ROR1: variants seen among roughly 807,000 people sequenced by gnomAD.
ROR1 encodes the protein inactive tyrosine-protein kinase transmembrane receptor ROR1.
ROR1 carries 19 observed loss-of-function variants against 78.8 expected under a neutral mutation model. That is an observed-to-expected ratio of 0.24 (90% CI 0.17 to 0.35). The LOEUF is 0.35. Among genes scored for constraint, ROR1 ranks in the 10% least tolerant of loss-of-function variants. ROR1 has a pLI of 1.00. For missense variants in ROR1, 917 were observed against 1,177.8 expected (o/e 0.78, Z 3.24); for synonymous variants, 386 against 433.6 (o/e 0.89, Z 1.36).
rs1360860093 is a variant in ROR1, at chr1:64,177,671, C to T, written c.1630C>T (p.Gln544Ter). 6.2e-7 allele frequency: 1 copy of T among 1,614,200 alleles called. No homozygotes were observed. The highest frequency in any genetic ancestry group is 1.1e-5 in the South Asian group (1 of 91,080). The change falls in exon 9 of 9, where the codon CAG becomes TAG. Residue 544 changes from glutamine (Q) to a stop codon, truncating the protein, a stop_gained. Transcript: ENST00000371079. LOFTEE classifies it high-confidence loss of function. The part of the protein sequence containing the change: ...NIVCLLGAVT[Q>*]EQPVCMLFEY... ...TGTCTGCCTTCTAGGTGCCGTCACT[C>T]AGGAACAACCTGTGTGCATGCTTTT...
chr1:63,801,549 C>A (rs1280832714), intron 1 of ROR1, among the ~76,000 whole-genome samples: 2 of 152,176 alleles, frequency 1.3e-5, no homozygotes, highest in Admixed American at 6.5e-5. Flanking sequence ...CCCGCCTCAG[C>A]CTCCCAAAGT....
intron 1 of ROR1, among the ~76,000 whole-genome samples, chr1:63,791,097 A>G (rs558056156): frequency 6.6e-5 from 10 of 152,260 alleles, no homozygotes; most frequent in African/African-American, 2.4e-4. Context: ...TGCACCTGCT[A>G]TGAGTCAGGA....
chr1:64,160,040 T>C (rs1318965990), intron 8 of ROR1, among the ~76,000 whole-genome samples: 1 of 152,184 alleles, frequency 6.6e-6, no homozygotes, highest in East Asian at 1.9e-4. Flanking sequence ...AATTTAAGAC[T>C]CTTGCATCTA....
chr1:63,782,828 A>G (rs977947018), intron 1 of ROR1, among the ~76,000 whole-genome samples: 2 of 152,130 alleles, frequency 1.3e-5, no homozygotes, highest in Admixed American at 1.3e-4. Flanking sequence ...TGGGGAGTTT[A>G]CCTTTTAGGG....
At chr1:63,785,698 G>A (rs1166974995) in intron 1 of ROR1, among the ~76,000 whole-genome samples, 1 of 151,296 alleles carries the variant, frequency 6.6e-6, no homozygotes, top group Non-Finnish European at 1.5e-5. Flanking sequence ...GCTAATTTTT[G>A]TATTTTTAGT....
chr1:63,961,311 A>T (rs1294798026), intron 1 of ROR1, among the ~76,000 whole-genome samples: 1 of 152,182 alleles, frequency 6.6e-6, no homozygotes, highest in African/African-American at 2.4e-5. Flanking sequence ...GAACTTCCAT[A>T]TGATCCAATA....
rs1294147440 is a variant in ROR1, at chr1:64,177,515, C to T, written c.1474C>T (p.Leu492Phe). 6.2e-7 allele frequency: 1 copy of T among 1,614,048 alleles called. No homozygotes were observed. Among genetic ancestry groups the T allele is most frequent in the Non-Finnish European group, 8.5e-7 (1 of 1,180,038 alleles). The change falls in exon 9 of 9, where the codon CTC becomes TTC. Residue 492 changes from leucine to phenylalanine, a missense_variant. Physicochemically the swap from Leu to Phe is conservative, Grantham distance 22 (BLOSUM62 0). Around this residue, in one of 3 missense-constraint regions of ROR1, gnomAD observed 835 missense variants for 1,069.8 expected, o/e 0.78. Coordinates refer to ENST00000371079, the MANE Select transcript of ROR1 (RefSeq NM_005012.4). ...CTTTGGAAAAATCTATAAAGGCCAT[C>T]TCTATCTCCCAGGCATGGACCATGC... ...CAFGKIYKGH[L>F]YLPGMDHAQL...
Position 63,779,623 on chromosome 1 carries a change from G to A in ROR1, c.91+5115G>A, listed in dbSNP as rs189524436. Among the ~76,000 whole-genome samples, 456 of 152,262 alleles carry A rather than the reference G, an allele frequency of 3.0e-3. 7 individuals are homozygous for A. The highest frequency in any genetic ancestry group is 0.022 in the Admixed American group (333 of 15,294). ...TGCCAGGAATATCTAAAAAGCTAAC[G>A]AATACAAAATAAAAATAAACAGCAG... On this transcript the variant is annotated intron_variant, in intron 1 of 8. Transcript: ENST00000371079.
chr1:64,104,361 G>T (rs539692873), intron 4 of ROR1, among the ~76,000 whole-genome samples: 1 of 152,214 alleles, frequency 6.6e-6, no homozygotes, highest in Middle Eastern at 3.4e-3. Context: ...AAAGCCATGT[G>T]TGACAGGACT....
chr1:64,034,433 A>G, intron 2 of ROR1, among the ~76,000 whole-genome samples: 1 of 152,170 alleles, frequency 6.6e-6, no homozygotes, highest in Admixed American at 6.5e-5. Context: ...TAGCTTCCAA[A>G]ATGGAATGAT....
intron 7 of ROR1, among the ~76,000 whole-genome samples, chr1:64,146,890 A>G (rs1046663803): frequency 1.4e-4 from 22 of 152,124 alleles, no homozygotes; most frequent in African/African-American, 4.8e-4. Context: ...ATTCACAACC[A>G]TGCTGTGGGG....
intron 1 of ROR1, among the ~76,000 whole-genome samples, chr1:64,002,413 T>C (rs901073336): frequency 6.6e-6 from 1 of 152,184 alleles, no homozygotes; most frequent in African/African-American, 2.4e-5. Flanking sequence ...CGTGAGCCAT[T>C]GCGCCCGGCC....
At chr1:63,849,229 T>C (rs1171687418) in intron 1 of ROR1, among the ~76,000 whole-genome samples, 2 of 152,250 alleles carry the variant, frequency 1.3e-5, no homozygotes, top group Non-Finnish European at 2.9e-5. Context: ...TTAATGGTAA[T>C]TGTTGTTTTC....
chr1:63,790,583 T>A (rs958829263), intron 1 of ROR1, among the ~76,000 whole-genome samples: 1 of 152,188 alleles, frequency 6.6e-6, no homozygotes, highest in Non-Finnish European at 1.5e-5. Flanking sequence ...GATTCTCCCT[T>A]ACAATCCTCC....
At chr1:63,827,118 G>A (rs762766432) in intron 1 of ROR1, among the ~76,000 whole-genome samples, 16 of 152,044 alleles carry the variant, frequency 1.1e-4, no homozygotes, top group Non-Finnish European at 1.8e-4. Flanking sequence ...CATGGCCTTT[G>A]TCCACTTTTT....
chr1:64,136,952 C>G (rs1649134260), intron 4 of ROR1, among the ~76,000 whole-genome samples: 1 of 152,112 alleles, frequency 6.6e-6, no homozygotes, highest in South Asian at 2.1e-4. Context: ...ATTGACGTGT[C>G]AGTTGGAGTG....
chr1:63,787,140 T>C (rs1206030647), intron 1 of ROR1, among the ~76,000 whole-genome samples: 4 of 152,088 alleles, frequency 2.6e-5, no homozygotes, highest in Admixed American at 2.6e-4. Context: ...TCAGACTCTT[T>C]CCTCTTTTCA....
rs41302752 is a variant in ROR1, at chr1:64,178,111, C to A, written c.2070C>A (p.Leu690=). The A allele has an allele frequency of 9.0e-3, 14,534 of 1,614,038 alleles. 95 individuals carry two copies. Among genetic ancestry groups the A allele is most frequent in the Non-Finnish European group, 0.01 (12,055 of 1,180,014 alleles). The change falls in exon 9 of 9, where the codon CTC becomes CTA. Residue 690 remains leucine (L), a synonymous_variant. Transcript: ENST00000371079. The surrounding 1 kb of genome is among the most constrained non-coding windows in gnomAD (Gnocchi z 4.3). The stretch of plus-strand genomic sequence containing the variant: ...TGTGGGAGATTTTCAGTTTTGGACT[C>A]CAGCCATATTATGGATTCAGTAACC... The part of the protein sequence containing the change: ...VVLWEIFSFG[L]QPYYGFSNQE...
chr1:63,911,045 G>A (rs1221030029), intron 1 of ROR1, among the ~76,000 whole-genome samples: 1 of 152,136 alleles, frequency 6.6e-6, no homozygotes, highest in Non-Finnish European at 1.5e-5. Flanking sequence ...CTCATTGCCT[G>A]GCCTTCAGGT....
Sources: gnomAD v4.1 joint callset for allele counts (sites outside exome capture counted in the v4.1 genomes callset) on GRCh38, gnomAD v4.1.1 for gene constraint, gnomAD v4.1.1 regional missense constraint, Gnocchi (gnomAD v3.1) non-coding constraint, MANE v1.5 for transcripts, NCBI Gene and HGNC (gene_info 2026-07-23, HGNC 2026-07-21) for gene names.